TCERG1L: variants seen among roughly 807,000 people sequenced by gnomAD.
TCERG1L encodes transcription elongation regulator 1-like protein.
TCERG1L carries 37 observed loss-of-function variants against 56.3 expected under a neutral mutation model. That is an observed-to-expected ratio of 0.66 (90% CI 0.51 to 0.87). TCERG1L has a LOEUF of 0.87. Ranked by LOEUF, TCERG1L falls within the 40% of genes least tolerant of loss-of-function variation. TCERG1L has a pLI of 0.00. For synonymous variants in TCERG1L, 324 were observed against 326.3 expected (o/e 0.99, Z 0.08); for missense variants, 799 against 774.2 (o/e 1.03, Z -0.38).
At chr10:131,093,771 ACCAGGCCAGGGG>A (rs1412621314) in intron 11 of TCERG1L, among the ~76,000 whole-genome samples, 1 of 152,038 alleles carries the variant, frequency 6.6e-6, no homozygotes, top group Non-Finnish European at 1.5e-5. Context: ...GTCATGAGAA[ACCAGGCCAGGGG>A]GTCTTCTTTG....
At chr10:131,205,454 A>G (rs1845510770) in intron 4 of TCERG1L, among the ~76,000 whole-genome samples, 3 of 152,192 alleles carry the variant, frequency 2.0e-5, no homozygotes, top group Non-Finnish European at 4.4e-5. Context: ...TCATGAAACT[A>G]CATTAGATGT....
intron 8 of TCERG1L, among the ~76,000 whole-genome samples, chr10:131,129,831 C>T (rs1298535726): frequency 1.3e-5 from 2 of 152,114 alleles, no homozygotes; most frequent in Non-Finnish European, 2.9e-5. Flanking sequence ...GATCGGGAGG[C>T]CTCAGGAAAC....
At chr10:131,167,726 G>A (rs1846047422) in intron 4 of TCERG1L, among the ~76,000 whole-genome samples, 1 of 152,188 alleles carries the variant, frequency 6.6e-6, no homozygotes, top group African/African-American at 2.4e-5. Context: ...GGTGGGCCCT[G>A]GTTTTTCCAG....
rs74160872 is a variant in TCERG1L at position 131,215,772 on chromosome 10, C to T, written c.856+44487G>A. 9.4e-3 allele frequency among the ~76,000 whole-genome samples: 1,431 copies of T among 152,248 alleles called. 19 individuals carry two copies. The highest frequency in any genetic ancestry group is 0.032 in the African/African-American group (1,334 of 41,536). On this transcript the variant is annotated intron_variant, in intron 4 of 11. Transcript: ENST00000368642. ...TGTTGCGGCCAAGAGTCTACCCTGACGCCTAAGTCCCCTAAGAAGTGTCCA... is the reference window on the plus strand; with the variant it reads ...TGTTGCGGCCAAGAGTCTACCCTGATGCCTAAGTCCCCTAAGAAGTGTCCA...
chr10:131,229,097 T>C (rs368067750), intron 4 of TCERG1L, among the ~76,000 whole-genome samples: 258 of 71,920 alleles, frequency 3.6e-3, no homozygotes, highest in Non-Finnish European at 4.4e-3. Context: ...TCCGGAGTCT[T>C]CCCTCCAGAC....
At chr10:131,158,841 G>A (rs1845948883) in intron 6 of TCERG1L, among the ~76,000 whole-genome samples, 1 of 152,204 alleles carries the variant, frequency 6.6e-6, no homozygotes, top group South Asian at 2.1e-4. Context: ...GAGACATGGG[G>A]AGCGAGCTCT....
At chr10:131,298,673 C>G (rs903289782) in intron 3 of TCERG1L, among the ~76,000 whole-genome samples, 2 of 152,234 alleles carry the variant, frequency 1.3e-5, no homozygotes, top group Non-Finnish European at 2.9e-5. Flanking sequence ...CTCGGCCTCC[C>G]AAAGTGCTGG....
intron 4 of TCERG1L, among the ~76,000 whole-genome samples, chr10:131,181,109 C>T (rs570648416): frequency 5.3e-5 from 8 of 152,340 alleles, no homozygotes; most frequent in Admixed American, 3.3e-4. Flanking sequence ...TCCAGACCTC[C>T]GCGCTGCTCC....
intron 4 of TCERG1L, among the ~76,000 whole-genome samples, chr10:131,188,972 T>C (rs191064511): frequency 6.6e-6 from 1 of 152,344 alleles, no homozygotes; most frequent in African/African-American, 2.4e-5. Flanking sequence ...GTATATACTT[T>C]CTTTGCACCT....
At chr10:131,286,628 A>G (rs576432868) in intron 3 of TCERG1L, among the ~76,000 whole-genome samples, 1 of 152,362 alleles carries the variant, frequency 6.6e-6, no homozygotes, top group South Asian at 2.1e-4. Context: ...AGTGTACACC[A>G]TTTAAATACC....
intron 4 of TCERG1L, among the ~76,000 whole-genome samples, chr10:131,229,691 C>T (rs536321880): frequency 6.6e-6 from 1 of 151,822 alleles, no homozygotes; most frequent in Admixed American, 6.5e-5. Flanking sequence ...TAGTTACCTC[C>T]TAAATATTTA....
chr10:131,146,428 T>C, intron 7 of TCERG1L, 78 bp downstream of exon 7: 5 of 1,378,874 alleles, frequency 3.6e-6, no homozygotes, highest in African/African-American at 2.9e-5. Context: ...AGAAGAAACA[T>C]GCTTTCACTT....
intron 6 of TCERG1L, among the ~76,000 whole-genome samples, chr10:131,160,175 G>A (rs561628285): frequency 4.6e-5 from 7 of 152,140 alleles, no homozygotes; most frequent in South Asian, 2.1e-4. Context: ...GTATTAGTTC[G>A]TCTCGTAACA....
At chr10:131,298,148 C>CTT (rs34480535) in intron 3 of TCERG1L, among the ~76,000 whole-genome samples, 77 of 145,830 alleles carry the variant, frequency 5.3e-4, no homozygotes, top group East Asian at 1.0e-3. Context: ...TGAGGTATTT[C>CTT]TTTTTTTTTT....
chr10:131,310,516 A>C (rs1846875722), intron 1 of TCERG1L, among the ~76,000 whole-genome samples: 1 of 152,268 alleles, frequency 6.6e-6, no homozygotes, highest in South Asian at 2.1e-4. Flanking sequence ...TTGGAATAAA[A>C]TGCACGCTAT....
At chr10:131,130,769 T>A (rs1845609929) in intron 8 of TCERG1L, among the ~76,000 whole-genome samples, 1 of 152,014 alleles carries the variant, frequency 6.6e-6, no homozygotes, top group South Asian at 2.1e-4. Context: ...AGTACTGAGT[T>A]TTGGGGGAAA....
chr10:131,204,194 C>T (rs1845490074), intron 4 of TCERG1L, among the ~76,000 whole-genome samples: 1 of 152,236 alleles, frequency 6.6e-6, no homozygotes, highest in Admixed American at 6.5e-5. Context: ...AGGGTCTTGG[C>T]AGCTCTCATC....
intron 3 of TCERG1L, among the ~76,000 whole-genome samples, chr10:131,306,645 A>G (rs1332793737): frequency 6.6e-6 from 1 of 152,116 alleles, no homozygotes; most frequent in Non-Finnish European, 1.5e-5. Flanking sequence ...TACACCTACT[A>G]TGTACCCACA....
rs527400341 is a variant in TCERG1L, at chr10:131,134,535, A to T, written c.1190-87T>A. The stretch of plus-strand genomic sequence containing the variant: ...CCAGGTGACACTCACTTTCAAGTAG[A>T]CTTATCTAGAAATTAAGACAACAGG... On this transcript the variant is annotated intron_variant, in intron 7 of 11. Transcript: ENST00000368642. 15 of 983,298 alleles carry T rather than the reference A, an allele frequency of 1.5e-5. No homozygotes were observed. In the Admixed American group the frequency reaches 3.4e-4, roughly 22 times the overall value. The allele number at this position is 983,298 out of a possible 1,614,324, so 60.9% of individuals were successfully genotyped here.
Sources: gnomAD v4.1 joint callset for allele counts (sites outside exome capture counted in the v4.1 genomes callset) on GRCh38, gnomAD v4.1.1 for gene constraint, MANE v1.5 for transcripts, NCBI Gene and HGNC (gene_info 2026-07-23, HGNC 2026-07-21) for gene names.